The following CSMD1 variants were observed in gnomAD, a reference collection of about 807,000 sequenced individuals.
The protein encoded by CSMD1 is CUB and Sushi multiple domains 1, also known as CUB and sushi domain-containing protein 1.
A neutral mutation model predicts 417.5 loss-of-function variants in CSMD1; 213 were observed. That is an observed-to-expected ratio of 0.51 (90% CI 0.46 to 0.57). The LOEUF is 0.57. Ranked by LOEUF, CSMD1 falls within the 20% of genes least tolerant of loss-of-function variation. The pLI, the probability that CSMD1 is intolerant of heterozygous loss-of-function variation, is 0.00. For missense variants in CSMD1, 6,923 were observed against 4,529.7 expected, an observed-to-expected ratio of 1.53 and a Z score of -15.17; for synonymous variants, 2,862 against 1,736.8, an observed-to-expected ratio of 1.65 and a Z score of -16.11.
At chr8:4,057,344 T>C (rs1350110934) in intron 3 of CSMD1, among the ~76,000 whole-genome samples, 1 of 152,174 alleles carries the variant, frequency 6.6e-6, no homozygotes. Context: ...TTGAGAAGTG[T>C]CTGTTCATGT....
intron 3 of CSMD1, among the ~76,000 whole-genome samples, chr8:4,327,791 C>G (rs975473985): frequency 6.6e-6 from 1 of 152,138 alleles, no homozygotes; most frequent in Non-Finnish European, 1.5e-5. Context: ...CCAAATGTAA[C>G]TTTTCTTGCT....
chr8:3,323,199 A>G (rs1806269277), intron 23 of CSMD1, among the ~76,000 whole-genome samples: 1 of 152,214 alleles, frequency 6.6e-6, no homozygotes, highest in South Asian at 2.1e-4. Context: ...TCTATAATCT[A>G]TGGTTCACAT....
At position 3,275,201 on chromosome 8, in the gene CSMD1, T is replaced by C. The variant is rs570975522; in HGVS notation, c.4153+8943A>G. 1.3e-4 allele frequency among the ~76,000 whole-genome samples: 20 copies of C among 152,320 alleles called. No homozygotes were observed. In the East Asian group the frequency reaches 3.9e-3, roughly 29 times the overall value. On this transcript the variant is annotated intron_variant, in intron 26 of 69. Transcript: ENST00000635120. ...CTTCACTTATGAAGCTTAGTTTGGC[T>C]GGATATGAAATTCTGGGTTGAAAAT...
intron 37 of CSMD1, among the ~76,000 whole-genome samples, chr8:3,172,357 G>C (rs189818917): frequency 4.7e-4 from 72 of 152,220 alleles, no homozygotes; most frequent in African/African-American, 1.6e-3. Flanking sequence ...TTTTATGGCT[G>C]ACTAATGCTC....
At chr8:3,688,341 A>G (rs891845203) in intron 7 of CSMD1, among the ~76,000 whole-genome samples, 2 of 152,216 alleles carry the variant, frequency 1.3e-5, no homozygotes, top group Non-Finnish European at 2.9e-5. Context: ...AAATGCCAGT[A>G]GAAAGTTTAA....
chr8:3,767,498 A>T (rs1280687193), intron 5 of CSMD1, among the ~76,000 whole-genome samples: 1 of 152,168 alleles, frequency 6.6e-6, no homozygotes, highest in East Asian at 1.9e-4. Context: ...TACTTCCCCC[A>T]ACCTAACTAA....
intron 11 of CSMD1, among the ~76,000 whole-genome samples, chr8:3,474,847 T>A: frequency 6.6e-6 from 1 of 152,174 alleles, no homozygotes; most frequent in Non-Finnish European, 1.5e-5. Context: ...ATTGTTCTGA[T>A]TTAAACTTAA....
chr8:3,638,820 C>A (rs556801710), intron 7 of CSMD1, among the ~76,000 whole-genome samples: 1 of 152,268 alleles, frequency 6.6e-6, no homozygotes, highest in East Asian at 1.9e-4. Context: ...CTCTCTCCTT[C>A]CTCACACCTT....
At chr8:3,866,070 A>C (rs1433397547) in intron 5 of CSMD1, among the ~76,000 whole-genome samples, 1 of 152,218 alleles carries the variant, frequency 6.6e-6, no homozygotes, top group African/African-American at 2.4e-5. Flanking sequence ...ATGTCTTTAA[A>C]AATTCTATTC....
intron 5 of CSMD1, among the ~76,000 whole-genome samples, chr8:3,813,584 T>C (rs953310987): frequency 6.6e-6 from 1 of 152,144 alleles, no homozygotes; most frequent in Non-Finnish European, 1.5e-5. Flanking sequence ...AACAAGAATT[T>C]TAAGATATTT....
At chr8:4,431,426 T>C (rs552576617) in intron 2 of CSMD1, among the ~76,000 whole-genome samples, 2 of 151,848 alleles carry the variant, frequency 1.3e-5, no homozygotes, top group Non-Finnish European at 2.9e-5. Context: ...AGGAACAAGG[T>C]GAGAGGAGAG....
chr8:3,354,561 T>A (rs1447676034), intron 21 of CSMD1, among the ~76,000 whole-genome samples: 1 of 152,118 alleles, frequency 6.6e-6, no homozygotes. Context: ...AATCAAAATA[T>A]GCAATTCCAT....
chr8:4,324,858 C>T (rs1185011598), intron 3 of CSMD1, among the ~76,000 whole-genome samples: 1 of 152,176 alleles, frequency 6.6e-6, no homozygotes, highest in Admixed American at 6.5e-5. Context: ...GACTCCCATC[C>T]CAGCACACCT....
chr8:4,004,001 A>G (rs1203327712), intron 4 of CSMD1, among the ~76,000 whole-genome samples: 2 of 152,348 alleles, frequency 1.3e-5, no homozygotes, highest in African/African-American at 4.8e-5. Context: ...ATATATGATC[A>G]ACTAAATAAA....
At chr8:4,355,678 CA>C (rs1223722468) in intron 3 of CSMD1, among the ~76,000 whole-genome samples, 1 of 152,180 alleles carries the variant, frequency 6.6e-6, no homozygotes, top group African/African-American at 2.4e-5. Flanking sequence ...CCAAAGCCTA[CA>C]GAGTTTCCTA....
intron 5 of CSMD1, among the ~76,000 whole-genome samples, chr8:3,908,363 A>G (rs1418780139): frequency 6.6e-6 from 1 of 152,236 alleles, no homozygotes; most frequent in Non-Finnish European, 1.5e-5. Context: ...ATTAATCATT[A>G]TGGATACATT....
Position 4,269,787 on chromosome 8 carries a change from T to C in CSMD1, c.415+150166A>G, listed in dbSNP as rs114543347. Among the ~76,000 whole-genome samples, 741 of 152,330 alleles carry C rather than the reference T, an allele frequency of 4.9e-3. 9 individuals are homozygous for C. Among genetic ancestry groups the C allele is most frequent in the African/African-American group, 0.017 (691 of 41,576 alleles). The stretch of plus-strand genomic sequence containing the variant: ...TCTTCATAAAAAAGCATGAAAATTA[T>C]ATACAGGTGATACCCAATGAAGTCT... On this transcript the variant is annotated intron_variant, in intron 3 of 69. Coordinates refer to ENST00000635120, the MANE Select transcript of CSMD1 (RefSeq NM_033225.6).
At chr8:3,580,197 C>T (rs897824390) in intron 9 of CSMD1, among the ~76,000 whole-genome samples, 1 of 152,164 alleles carries the variant, frequency 6.6e-6, no homozygotes, top group Non-Finnish European at 1.5e-5. Context: ...GAGAACAAAA[C>T]TAAGTTTCTT....
At chr8:3,730,344 A>C (rs1802770761) in intron 6 of CSMD1, among the ~76,000 whole-genome samples, 1 of 148,406 alleles carries the variant, frequency 6.7e-6, no homozygotes, top group Admixed American at 6.8e-5. Context: ...CATTCTCCTC[A>C]TGCTCCCAAA....
Sources: gnomAD v4.1 joint callset for allele counts (sites outside exome capture counted in the v4.1 genomes callset) on GRCh38, gnomAD v4.1.1 for gene constraint, MANE v1.5 for transcripts, NCBI Gene and HGNC (gene_info 2026-07-23, HGNC 2026-07-21) for gene names.